CLIP2: variants seen among roughly 807,000 people sequenced by gnomAD.
CLIP2 encodes CAP-Gly domain-containing linker protein 2.
Under a neutral mutation model 111.7 loss-of-function variants are expected in CLIP2, and 41 were observed. The ratio of observed to expected loss-of-function variants is 0.37; its 90% CI spans 0.29 to 0.48. The LOEUF (loss-of-function observed/expected upper bound fraction) is 0.48. Ranked by LOEUF, CLIP2 falls within the 20% of genes least tolerant of loss-of-function variation. The probability of loss-of-function intolerance (pLI) is 0.99; values close to 1 mark genes in which losing one functional copy is unlikely to be tolerated. For missense variants in CLIP2, 1,160 were observed against 1,422.1 expected, an observed-to-expected ratio of 0.82 and a Z score of 2.96; for synonymous variants, 660 against 644.2, an observed-to-expected ratio of 1.02 and a Z score of -0.37.
At chr7:74,367,195 A>AT (rs1210652310) in intron 8 of CLIP2, among the ~76,000 whole-genome samples, 89 of 147,676 alleles carry the variant, frequency 6.0e-4, no homozygotes, top group South Asian at 1.9e-3. Context: ...TTTAAAAAAA[A>AT]TTTTTTTTTT....
chr7:74,384,931 T>A (rs540753046), intron 11 of CLIP2, among the ~76,000 whole-genome samples: 1 of 151,636 alleles, frequency 6.6e-6, no homozygotes, highest in Admixed American at 6.6e-5. Flanking sequence ...CACTTGAGCC[T>A]AGGAGTTCAA....
intron 8 of CLIP2, among the ~76,000 whole-genome samples, chr7:74,371,058 C>T (rs1790601634): frequency 6.6e-6 from 1 of 151,984 alleles, no homozygotes; most frequent in South Asian, 2.1e-4. Flanking sequence ...GACCAGCAAA[C>T]ATGGTGAAAC....
chr7:74,376,292 C>A lies in CLIP2; in HGVS notation c.1891C>A (p.Leu631Ile). 1 of 1,613,802 alleles carries A rather than the reference C, an allele frequency of 6.2e-7. No individual in the cohort carries two copies. Among genetic ancestry groups the A allele is most frequent in the Non-Finnish European group, 8.5e-7 (1 of 1,179,938 alleles). Residue 631 changes from leucine to isoleucine, a missense_variant, in exon 10 of 17, where the codon CTC becomes ATC. Physicochemically the swap from Leu to Ile is conservative, Grantham distance 5 (BLOSUM62 2). Coordinates refer to ENST00000223398, the MANE Select transcript of CLIP2 (RefSeq NM_003388.5). This position sits in a 1 kb window ranked among gnomAD's most constrained non-coding sequence, Gnocchi z 7.1. ...ASDHQKSLED[L>I]KATLNSGPGA... ...GGACCACCAGAAGTCCCTGGAGGAC[C>A]TCAAAGCCACCCTGAACTCGGGCCC...
chr7:74,377,372 G>A (rs111283281), intron 10 of CLIP2, among the ~76,000 whole-genome samples: 75 of 152,316 alleles, frequency 4.9e-4, no homozygotes, highest in African/African-American at 1.7e-3. Context: ...GAAGGCTAGA[G>A]GGGGTGGCCC....
At chr7:74,334,161 G>A (rs1282820500) in intron 2 of CLIP2, among the ~76,000 whole-genome samples, 1 of 152,236 alleles carries the variant, frequency 6.6e-6, no homozygotes, top group Non-Finnish European at 1.5e-5. Context: ...ATGACTCCCT[G>A]GAGGGATAGG....
In CLIP2 at chr7:74,340,263, G is replaced by A. The variant is rs553554788; in HGVS notation, c.678+1259G>A. 2.6e-5 allele frequency among the ~76,000 whole-genome samples: 4 copies of A among 152,218 alleles called. No individual in the cohort carries two copies. In the Middle Eastern group the frequency reaches 0.014, roughly 518 times the overall value. ...ATACAAAAATTAGCTGGCTGTGATG[G>A]CGTGTGCCTATAATCCCAGCTACTT... On this transcript the variant is annotated intron_variant, in intron 3 of 16. Transcript: ENST00000223398.
rs140372373 is a variant in CLIP2 at position 74,322,688 on chromosome 7, G to A, written c.121+5021G>A. ...CTCCCAAAATTCTGGAATTACAGGC[G>A]TGAGCCACTACACCTGTCCCATTGT... On this transcript the variant is annotated intron_variant, in intron 2 of 16. Transcript: ENST00000223398. Among the ~76,000 whole-genome samples, 752 of 152,180 alleles carry A rather than the reference G, an allele frequency of 4.9e-3. 8 individuals are homozygous for A. Among genetic ancestry groups the A allele is most frequent in the African/African-American group, 0.018 (727 of 41,530 alleles).
chr7:74,362,510 T>TTTTTTTC (rs1220713320), intron 7 of CLIP2, among the ~76,000 whole-genome samples: 2 of 148,174 alleles, frequency 1.3e-5, no homozygotes, highest in Admixed American at 1.4e-4. Context: ...AACACAGATC[T>TTTTTTTC]TTTTTTCTTT....
At position 74,360,288 on chromosome 7, in the gene CLIP2, G is replaced by A; in HGVS notation, c.1319+10G>A. On this transcript the variant is annotated intron_variant, in intron 7 of 16. Transcript: ENST00000223398. ...TGGAGGAGGAGAGGAGGTACGTGCT[G>A]GCCCACCCTCGCCCTGGCCCTGAGT... The A allele has an allele frequency of 6.3e-7, 1 of 1,579,850 alleles. No homozygotes were observed. The highest frequency in any genetic ancestry group is 8.6e-7 in the Non-Finnish European group (1 of 1,160,830).
intron 4 of CLIP2, 103 bp downstream of exon 4, chr7:74,354,107 T>C: frequency 7.3e-7 from 1 of 1,373,462 alleles, no homozygotes; most frequent in Non-Finnish European, 1.0e-6. Flanking sequence ...GTCCAGCATG[T>C]AGTGTCAGAC....
At chr7:74,401,985 G>A (rs1562734842) in intron 16 of CLIP2, among the ~76,000 whole-genome samples, 1 of 151,948 alleles carries the variant, frequency 6.6e-6, no homozygotes, top group African/African-American at 2.4e-5. Context: ...TAAAAAGGCT[G>A]GGCACAGTGG....
chr7:74,380,937 C>A, intron 11 of CLIP2, 74 bp downstream of exon 11: 2 of 1,466,272 alleles, frequency 1.4e-6, no homozygotes, highest in South Asian at 2.3e-5. Flanking sequence ...CCTGCTGGGT[C>A]ACATTTTGGT....
intron 3 of CLIP2, among the ~76,000 whole-genome samples, chr7:74,344,156 G>A (rs1554305888): frequency 6.6e-6 from 1 of 152,162 alleles, no homozygotes; most frequent in East Asian, 1.9e-4. Context: ...TCCCTGCAGG[G>A]AGTAGATGCT....
chr7:74,355,690 C>T lies in CLIP2; in HGVS notation c.804-720C>T, dbSNP rs144903530. On this transcript the variant is annotated intron_variant, in intron 4 of 16. Coordinates refer to ENST00000223398, the MANE Select transcript of CLIP2 (RefSeq NM_003388.5). ...TGACCAGAGAGGTCTTGACAGAAGACGAGAATCCAGGGTTTCCATAACAAT... is the reference window on the plus strand; with the variant it reads ...TGACCAGAGAGGTCTTGACAGAAGATGAGAATCCAGGGTTTCCATAACAAT... Among the ~76,000 whole-genome samples the T allele has an allele frequency of 1.3e-3, 194 of 152,300 alleles. 1 individual carries two copies. Among genetic ancestry groups the T allele is most frequent in the African/African-American group, 4.1e-3 (172 of 41,574 alleles).
chr7:74,338,714 T>C lies in CLIP2; in HGVS notation c.388T>C (p.Phe130Leu), dbSNP rs1554732691. 1 of 1,590,034 alleles carries C rather than the reference T, an allele frequency of 6.3e-7. No homozygotes were observed. Among genetic ancestry groups the C allele is most frequent in the Non-Finnish European group, 8.5e-7 (1 of 1,171,914 alleles). ...NDGAVGGVRY[F>L]ECPALQGIFT... is the part of the protein sequence containing the mutation. Reference sequence around the variant, plus strand: ...TGGCGCGGTGGGCGGCGTGCGCTACTTCGAGTGCCCGGCCCTCCAGGGTAT... The same window carrying C: ...TGGCGCGGTGGGCGGCGTGCGCTACCTCGAGTGCCCGGCCCTCCAGGGTAT... The change falls in exon 3 of 17, where the codon TTC (phenylalanine) becomes CTC (leucine). Residue 130 changes from phenylalanine to leucine, a missense_variant. By Grantham distance (22) the Phe-to-Leu change is conservative. This residue lies in a region of CLIP2 where 301 missense variants were observed against 315.2 expected (regional missense o/e 0.96). Transcript: ENST00000223398. This position sits in a 1 kb window ranked among gnomAD's most constrained non-coding sequence, Gnocchi z 4.3.
intron 11 of CLIP2, among the ~76,000 whole-genome samples, chr7:74,385,597 G>A (rs1376127868): frequency 6.6e-6 from 1 of 152,014 alleles, no homozygotes; most frequent in East Asian, 1.9e-4. Flanking sequence ...ATGGCTGTGA[G>A]GAGCACCCAG....
At chr7:74,315,224 C>T (rs192674543) in intron 1 of CLIP2, among the ~76,000 whole-genome samples, 4 of 152,100 alleles carry the variant, frequency 2.6e-5, no homozygotes, top group Admixed American at 1.3e-4. Context: ...TGCAGTGAGC[C>T]GAGATGCTGT....
In CLIP2 at chr7:74,317,432, G is replaced by A; in HGVS notation, c.-67-48G>A. 3.2e-6 allele frequency: 4 copies of A among 1,239,952 alleles called. No homozygotes were observed. The South Asian group carries it at 1.2e-4, about 38-fold the overall frequency. The allele number at this position is 1,239,952 out of a possible 1,614,324, so 76.8% of individuals were successfully genotyped here. ...TTGCTTGATGGCCCTTGAGGGTCTGGGGGCCATTGGGAAGTGATGATGTGA... is the reference window on the plus strand; with the variant it reads ...TTGCTTGATGGCCCTTGAGGGTCTGAGGGCCATTGGGAAGTGATGATGTGA... On this transcript the variant is annotated intron_variant, in intron 1 of 16. Transcript: ENST00000223398.
chr7:74,381,254 T>C (rs1255242414), intron 11 of CLIP2, among the ~76,000 whole-genome samples: 2 of 152,122 alleles, frequency 1.3e-5, no homozygotes, highest in Non-Finnish European at 1.5e-5. Flanking sequence ...AGTGGTGTGA[T>C]CTCAGCTCAC....
Sources: allele counts gnomAD v4.1 joint callset (sites outside exome capture counted in the v4.1 genomes callset), GRCh38; gene constraint gnomAD v4.1.1; regional missense constraint gnomAD v4.1.1; non-coding constraint Gnocchi (gnomAD v3.1); transcripts MANE v1.5; gene names NCBI Gene and HGNC (gene_info 2026-07-23, HGNC 2026-07-21).